Variants in SLC16A7 observed in about 807,000 individuals in gnomAD.
SLC16A7 encodes solute carrier family 16 member 7.
In SLC16A7, 33 loss-of-function variants were observed where a neutral mutation model predicts 34.9. The ratio of observed to expected loss-of-function variants is 0.94; its 90% CI spans 0.72 to 1.26. SLC16A7 has a LOEUF of 1.26. Among genes scored for constraint, SLC16A7 ranks in the 50% most tolerant of loss-of-function variants. The probability of loss-of-function intolerance (pLI) is 0.00; values close to 1 mark genes in which losing one functional copy is unlikely to be tolerated. For missense variants in SLC16A7, 573 were observed against 578.1 expected (o/e 0.99, Z 0.09); for synonymous variants, 201 against 206.6 (o/e 0.97, Z 0.23).
intron 3 of SLC16A7, among the ~76,000 whole-genome samples, chr12:59,731,737 A>G (rs1876977472): frequency 6.6e-6 from 1 of 152,184 alleles, no homozygotes; most frequent in South Asian, 2.1e-4. Context: ...CAACAAGGAA[A>G]AATGCTCTGA....
At chr12:59,611,469 C>T (rs138046609) in intron 1 of SLC16A7, among the ~76,000 whole-genome samples, 2 of 152,328 alleles carry the variant, frequency 1.3e-5, no homozygotes, top group African/African-American at 4.8e-5. Flanking sequence ...CTAGGAACTA[C>T]AGTTCAAGAG....
chr12:59,722,888 T>C (rs955614222), intron 3 of SLC16A7, among the ~76,000 whole-genome samples: 2 of 151,960 alleles, frequency 1.3e-5, no homozygotes, highest in African/African-American at 4.8e-5. Context: ...AATCTGATTG[T>C]CTAATATATG....
chr12:59,769,781 A>G (rs1882048026), intron 3 of SLC16A7, among the ~76,000 whole-genome samples: 1 of 152,110 alleles, frequency 6.6e-6, no homozygotes, highest in African/African-American at 2.4e-5. Flanking sequence ...CAAATACAAT[A>G]CACTTGGAAA....
chr12:59,774,545 T>C (rs1354116878), intron 4 of SLC16A7, 112 bp from the exon 5 acceptor site: 1 of 621,826 alleles, frequency 1.6e-6, no homozygotes, highest in Non-Finnish European at 2.8e-6. Flanking sequence ...TATATGATAT[T>C]GCGTTTTTAA....
chr12:59,600,102 C>T (rs1878615242), intron 1 of SLC16A7, among the ~76,000 whole-genome samples: 1 of 152,152 alleles, frequency 6.6e-6, no homozygotes, highest in South Asian at 2.1e-4. Flanking sequence ...AGAATAGTAA[C>T]CAATTTTGTA....
chr12:59,734,923 A>G (rs1877409874), intron 3 of SLC16A7, among the ~76,000 whole-genome samples: 1 of 152,214 alleles, frequency 6.6e-6, no homozygotes, highest in South Asian at 2.1e-4. Context: ...ATTACTCTCT[A>G]GTTTCTTAAC....
chr12:59,752,224 C>G (rs1463529755), intron 3 of SLC16A7, among the ~76,000 whole-genome samples: 1 of 152,176 alleles, frequency 6.6e-6, no homozygotes, highest in Non-Finnish European at 1.5e-5. Flanking sequence ...GAACGCAGCT[C>G]CTCACCAGCA....
chr12:59,616,584 C>T (rs1483989591), intron 1 of SLC16A7, among the ~76,000 whole-genome samples: 2 of 152,052 alleles, frequency 1.3e-5, no homozygotes, highest in African/African-American at 2.4e-5. Context: ...CAAAAATAGG[C>T]CCATCGCCTT....
At chr12:59,732,254 T>C (rs1365598250) in intron 3 of SLC16A7, among the ~76,000 whole-genome samples, 2 of 150,378 alleles carry the variant, frequency 1.3e-5, no homozygotes, top group Admixed American at 6.6e-5. Context: ...CTATCTCTAC[T>C]AAAAAAAAAC....
chr12:59,757,387 G>T (rs551912229), intron 3 of SLC16A7, among the ~76,000 whole-genome samples: 1 of 152,020 alleles, frequency 6.6e-6, no homozygotes, highest in African/African-American at 2.4e-5. Flanking sequence ...ATGTATCCCA[G>T]AACTTTAATA....
chr12:59,725,904 C>T (rs1160802671), intron 3 of SLC16A7, among the ~76,000 whole-genome samples: 1 of 152,106 alleles, frequency 6.6e-6, no homozygotes, highest in Non-Finnish European at 1.5e-5. Flanking sequence ...TGACAGTTTA[C>T]TTGGCACTGT....
chr12:59,763,343 T>C (rs576901232), intron 3 of SLC16A7, among the ~76,000 whole-genome samples: 7 of 152,254 alleles, frequency 4.6e-5, no homozygotes, highest in African/African-American at 1.4e-4. Flanking sequence ...TCAGTATTAG[T>C]CAATTATTTG....
At chr12:59,767,932 G>C (rs925350762) in intron 3 of SLC16A7, among the ~76,000 whole-genome samples, 4 of 139,928 alleles carry the variant, frequency 2.9e-5, no homozygotes, top group African/African-American at 1.1e-4. Flanking sequence ...ATCACACACT[G>C]GGGCCTGTCG....
chr12:59,724,332 T>C (rs1347302449), intron 3 of SLC16A7, among the ~76,000 whole-genome samples: 1 of 152,076 alleles, frequency 6.6e-6, no homozygotes, highest in Non-Finnish European at 1.5e-5. Flanking sequence ...AAGCTAAGCT[T>C]GTTGTCATAG....
intron 1 of SLC16A7, among the ~76,000 whole-genome samples, chr12:59,620,903 C>T (rs956648331): frequency 2.6e-5 from 4 of 151,788 alleles, no homozygotes; most frequent in African/African-American, 7.3e-5. Flanking sequence ...CACCAATGTC[C>T]GAGCTTATGG....
chr12:59,636,360 C>CAA (rs1880425490), intron 1 of SLC16A7, among the ~76,000 whole-genome samples: 1 of 151,956 alleles, frequency 6.6e-6, no homozygotes, highest in South Asian at 2.1e-4. Flanking sequence ...ATGTATGGAA[C>CAA]AAAAGTATTT....
intron 3 of SLC16A7, among the ~76,000 whole-genome samples, chr12:59,760,082 A>G (rs1732016588): frequency 1.3e-5 from 2 of 152,186 alleles, no homozygotes; most frequent in Admixed American, 1.3e-4. Flanking sequence ...CACAGAAACT[A>G]TACCCGTTAT....
chr12:59,693,313 A>G (rs1224400388), intron 2 of SLC16A7, among the ~76,000 whole-genome samples: 3 of 151,966 alleles, frequency 2.0e-5, no homozygotes, highest in Non-Finnish European at 4.4e-5. Context: ...ATGCTGGTTT[A>G]GGTTTCAAAA....
At chr12:59,764,173 G>A (rs1322898388) in intron 3 of SLC16A7, 2 of 152,170 alleles carry the variant, frequency 1.3e-5, no homozygotes, top group Non-Finnish European at 2.9e-5. Context: ...CAAAGGAAAA[G>A]TGAAGAAAGT....
Sources: allele counts gnomAD v4.1 joint callset (sites outside exome capture counted in the v4.1 genomes callset), GRCh38; gene constraint gnomAD v4.1.1; transcripts MANE v1.5; gene names NCBI Gene and HGNC (gene_info 2026-07-23, HGNC 2026-07-21).